ADGRV1: variants seen among roughly 807,000 people sequenced by gnomAD.
ADGRV1 encodes G-protein coupled receptor 98.
A neutral mutation model predicts 596.2 loss-of-function variants in ADGRV1; 359 were observed. The ratio of observed to expected loss-of-function variants is 0.60; its 90% CI spans 0.55 to 0.66. The LOEUF is 0.66. Ranked by LOEUF, ADGRV1 falls within the 30% of genes least tolerant of loss-of-function variation. ADGRV1 has a pLI of 0.00. For missense variants in ADGRV1, 7,274 were observed against 7,575.6 expected, an observed-to-expected ratio of 0.96 and a Z score of 1.48; for synonymous variants, 2,681 against 2,679.2, an observed-to-expected ratio of 1.00 and a Z score of -0.02.
chr5:90,799,275 C>T (rs1273513870), intron 70 of ADGRV1, among the ~76,000 whole-genome samples: 1 of 152,168 alleles, frequency 6.6e-6, no homozygotes, highest in Non-Finnish European at 1.5e-5. Flanking sequence ...TATTCTTATA[C>T]ACCAATAACA....
intron 83 of ADGRV1, among the ~76,000 whole-genome samples, chr5:90,910,551 T>TATTATCTATC (rs1554153579): frequency 6.8e-6 from 1 of 147,112 alleles, no homozygotes; most frequent in Non-Finnish European, 1.5e-5. Context: ...TATATATATA[T>TATTATCTATC]TATCTATCTA....
At chr5:90,802,663 T>C (rs1761498839) in intron 70 of ADGRV1, 76 bp from the exon 71 acceptor site, 3 of 1,375,208 alleles carry the variant, frequency 2.2e-6, no homozygotes, top group Non-Finnish European at 3.0e-6. Context: ...TCAGGCATTA[T>C]GCTAATGGCT....
At chr5:90,781,599 TGTAA>T (rs1276807620) in intron 65 of ADGRV1, 21 bp downstream of exon 65, 5 of 1,580,206 alleles carry the variant, frequency 3.2e-6, no homozygotes, top group South Asian at 1.2e-5. Flanking sequence ...TCAGCTAGCT[TGTAA>T]GTAAGTTTAC....
In ADGRV1 at chr5:90,627,674, T is replaced by C; in HGVS notation, c.1136T>C (p.Val379Ala). 3 of 1,613,690 alleles carry C rather than the reference T, an allele frequency of 1.9e-6. No individual in the cohort carries two copies. The highest frequency in any genetic ancestry group is 2.5e-6 in the Non-Finnish European group (3 of 1,179,692). The change falls in exon 7 of 90, where the codon GTA becomes GCA. Residue 379 changes from valine (V) to alanine (A), a missense_variant. By Grantham distance (64) the Val-to-Ala change is moderately conservative. Coordinates refer to ENST00000405460, the MANE Select transcript of ADGRV1 (RefSeq NM_032119.4). Reference sequence around the variant, plus strand: ...GCTGTGCTAATAAGCCCTTCTGTTGTACAAGTCACCATTAAGCCAAATGAT... The same window carrying C: ...GCTGTGCTAATAAGCCCTTCTGTTGCACAAGTCACCATTAAGCCAAATGAT... Reference protein sequence around the residue: ...GDAVLISPSVVQVTIKPNDKP... With the variant: ...GDAVLISPSVAQVTIKPNDKP...
At chr5:91,096,952 G>A (rs1790927305) in intron 86 of ADGRV1, among the ~76,000 whole-genome samples, 1 of 152,098 alleles carries the variant, frequency 6.6e-6, no homozygotes, top group Non-Finnish European at 1.5e-5. Flanking sequence ...GGCACCTCGT[G>A]TAAATGGAAT....
intron 83 of ADGRV1, among the ~76,000 whole-genome samples, chr5:90,959,536 C>G (rs1190689412): frequency 1.3e-5 from 2 of 152,052 alleles, no homozygotes; most frequent in African/African-American, 4.8e-5. Context: ...TAAATTAGAA[C>G]CTAACACTAC....
At chr5:91,059,423 C>T (rs1414531804) in intron 85 of ADGRV1, among the ~76,000 whole-genome samples, 1 of 152,140 alleles carries the variant, frequency 6.6e-6, no homozygotes, top group East Asian at 1.9e-4. Flanking sequence ...TAAAAGGCTT[C>T]TCCTCACTCT....
At position 90,683,440 on chromosome 5, in the gene ADGRV1, A is replaced by G. The variant is rs1260644049; in HGVS notation, c.5665-146A>G. ...GTGGGCCTTCAAAGATGGATAGTAT[A>G]TGACCCCTGCCTGCAGCAGTCTTGT... is the stretch of plus-strand genomic sequence containing the variant. On this transcript the variant is annotated intron_variant, in intron 27 of 89. Coordinates refer to ENST00000405460, the MANE Select transcript of ADGRV1 (RefSeq NM_032119.4). 5 of 644,278 alleles carry G rather than the reference A, an allele frequency of 7.8e-6. No individual in the cohort carries two copies. The East Asian group carries it at 1.1e-4, about 14-fold the overall frequency. 39.9% of individuals were successfully genotyped at this position (644,278 alleles called of 1,614,324 possible).
intron 67 of ADGRV1, among the ~76,000 whole-genome samples, chr5:90,784,652 G>A (rs1201861371): frequency 2.0e-5 from 3 of 152,080 alleles, no homozygotes; most frequent in African/African-American, 2.4e-5. Flanking sequence ...TCATGTGGTC[G>A]GGGCCTGGAG....
intron 89 of ADGRV1, 127 bp from the exon 90 acceptor site, chr5:91,163,655 T>C (rs1797134380): frequency 7.5e-6 from 4 of 530,216 alleles, no homozygotes; most frequent in African/African-American, 1.9e-5. Context: ...ATATCTATTC[T>C]AAATGTATGG....
In ADGRV1 at chr5:90,791,350, T is replaced by G. The variant is rs1397114874; in HGVS notation, c.14517+4T>G. The G allele has an allele frequency of 9.1e-6, 14 of 1,538,794 alleles. No homozygotes were observed. The South Asian group carries it at 1.7e-4, about 19-fold the overall frequency. Reference sequence around the variant, plus strand: ...CGTGGTGCCAATAAAGAATCAGGTTTGTGGCATTTCTTCAGTTTCCTGATC... The same window carrying G: ...CGTGGTGCCAATAAAGAATCAGGTTGGTGGCATTTCTTCAGTTTCCTGATC... On this transcript the variant is annotated splice_donor_region_variant and intron_variant, in intron 70 of 89. Transcript: ENST00000405460.
chr5:90,829,028 C>T lies in ADGRV1; in HGVS notation c.16453C>T (p.Gln5485Ter). 2 of 1,612,140 alleles carry T rather than the reference C, an allele frequency of 1.2e-6. No individual in the cohort carries two copies. The highest frequency in any genetic ancestry group is 1.7e-4 in the Middle Eastern group (1 of 6,058). Residue 5485 changes from glutamine (Q) to a stop codon, truncating the protein, a stop_gained, in exon 77 of 90, where the codon CAG becomes TAG. Transcript: ENST00000405460. LOFTEE classifies it high-confidence loss of function. The part of the protein sequence containing the change: ...AAINNSARFA[Q>*]IKILESDESQ... ...AATAAACAACAGTGCCAGATTCGCA[C>T]AGATTAAAATCTTAGAAAGTGATGA... is the stretch of plus-strand genomic sequence containing the variant.
At position 90,854,209 on chromosome 5, in the gene ADGRV1, T is replaced by C. The variant is rs772433066; in HGVS notation, c.17594+8T>C. ...GAATCAGGCTGCTGCAAGGTACTTA[T>C]TAATAAAATAAAAAAATCAGAATTT... On this transcript the variant is annotated splice_region_variant and intron_variant, in intron 81 of 89. Transcript: ENST00000405460. The C allele has an allele frequency of 7.9e-6, 12 of 1,520,380 alleles. No individual in the cohort carries two copies. Among genetic ancestry groups the C allele is most frequent in the African/African-American group, 2.8e-5 (2 of 71,288 alleles). 94.2% of individuals were successfully genotyped at this position (1,520,380 alleles called of 1,614,324 possible). A position where few individuals can be genotyped will look rare whatever the true frequency, so the allele number is the denominator to read the frequency against.
intron 87 of ADGRV1, among the ~76,000 whole-genome samples, chr5:91,113,205 A>G (rs1482817002): frequency 1.3e-5 from 2 of 152,180 alleles, no homozygotes; most frequent in Non-Finnish European, 2.9e-5. Context: ...AGGCTCAAGC[A>G]GGTAACTTCT....
At chr5:90,887,935 T>G (rs1389072951) in intron 83 of ADGRV1, among the ~76,000 whole-genome samples, 1 of 152,172 alleles carries the variant, frequency 6.6e-6, no homozygotes, top group African/African-American at 2.4e-5. Context: ...TTTTCTTTTA[T>G]GTGGAAAAAG....
intron 50 of ADGRV1, among the ~76,000 whole-genome samples, chr5:90,737,765 C>T (rs1433373888): frequency 2.0e-5 from 3 of 151,858 alleles, no homozygotes; most frequent in Non-Finnish European, 4.4e-5. Context: ...TTTTGACTTA[C>T]ATTTGCAAGG....
chr5:90,568,743 G>A (rs952110055), intron 1 of ADGRV1, among the ~76,000 whole-genome samples: 2 of 152,224 alleles, frequency 1.3e-5, no homozygotes, highest in Non-Finnish European at 2.9e-5. Context: ...TAAATTGTCT[G>A]TTTTTCCCCT....
chr5:90,785,704 C>G (rs550420864), intron 67 of ADGRV1, among the ~76,000 whole-genome samples: 1 of 152,152 alleles, frequency 6.6e-6, no homozygotes, highest in East Asian at 1.9e-4. Flanking sequence ...CAATGAGATA[C>G]CATCTCACTC....
chr5:90,869,436 A>G (rs1768452101), intron 83 of ADGRV1, among the ~76,000 whole-genome samples: 1 of 152,142 alleles, frequency 6.6e-6, no homozygotes, highest in Non-Finnish European at 1.5e-5. Context: ...AAGTCACAAT[A>G]TGAAAGGAGT....
Sources: allele counts gnomAD v4.1 joint callset (sites outside exome capture counted in the v4.1 genomes callset), GRCh38; gene constraint gnomAD v4.1.1; transcripts MANE v1.5; gene names NCBI Gene and HGNC (gene_info 2026-07-23, HGNC 2026-07-21).